The following ENOX1 variants were observed in gnomAD, a reference collection of about 807,000 sequenced individuals.
The protein encoded by ENOX1 is candidate growth-related and time keeping constitutive hydroquinone (NADH) oxidase.
In ENOX1, 42 loss-of-function variants were observed where a neutral mutation model predicts 82.5. The observed-to-expected ratio is 0.51, with a 90% confidence interval of 0.40 to 0.66. The LOEUF is 0.66. Ranked by LOEUF, ENOX1 falls within the 30% of genes least tolerant of loss-of-function variation. ENOX1 has a pLI of 0.00. For synonymous variants in ENOX1, 271 were observed against 282.2 expected (o/e 0.96, Z 0.40); for missense variants, 608 against 811.6 (o/e 0.75, Z 3.05).
At position 43,291,061 on chromosome 13, in the gene ENOX1, A is replaced by T. The variant is rs549005999; in HGVS notation, c.1446+7285T>A. On this transcript the variant is annotated intron_variant, in intron 12 of 16. Transcript: ENST00000690772. ...AAAATAAAAGTTGAAAAAAATTTTT[A>T]AAAGCTCTTAGAATACAATTTATCA... 2.9e-4 allele frequency among the ~76,000 whole-genome samples: 44 copies of T among 152,326 alleles called. 1 individual carries two copies. In the South Asian group the frequency reaches 8.9e-3, roughly 31 times the overall value.
chr13:43,303,110 T>C (rs1319474049), intron 11 of ENOX1, among the ~76,000 whole-genome samples: 1 of 152,238 alleles, frequency 6.6e-6, no homozygotes, highest in Admixed American at 6.5e-5. Flanking sequence ...ACTGTAGATT[T>C]CCTTCCCACA....
intron 2 of ENOX1, among the ~76,000 whole-genome samples, chr13:43,643,396 G>A (rs2083745640): frequency 6.6e-6 from 1 of 152,118 alleles, no homozygotes; most frequent in South Asian, 2.1e-4. Context: ...TAACATCAGT[G>A]TTATCCAGTT....
chr13:43,493,809 C>A (rs1031631773), intron 2 of ENOX1, among the ~76,000 whole-genome samples: 1 of 152,156 alleles, frequency 6.6e-6, no homozygotes, highest in Non-Finnish European at 1.5e-5. Context: ...ATCTGGGTAT[C>A]CCTTTGTTTT....
intron 11 of ENOX1, among the ~76,000 whole-genome samples, chr13:43,305,524 G>A (rs764363213): frequency 5.3e-5 from 8 of 151,910 alleles, no homozygotes; most frequent in Non-Finnish European, 1.0e-4. Flanking sequence ...TGGCTTAAAT[G>A]TGAGTCTGGA....
In ENOX1 at chr13:43,298,387, G is replaced by T; in HGVS notation, c.1405C>A (p.Gln469Lys). 6.2e-7 allele frequency: 1 copy of T among 1,612,232 alleles called. No homozygotes were observed. The highest frequency in any genetic ancestry group is 2.2e-5 in the East Asian group (1 of 44,838). Residue 469 changes from glutamine (Q) to lysine (K), a missense_variant, in exon 12 of 17, where the codon CAA becomes AAA. Physicochemically the swap from Gln to Lys is moderately conservative, Grantham distance 53. Transcript: ENST00000690772. Reference protein sequence around the residue: ...RTEENLTKDQQLQFLQQTMQG... With the variant: ...RTEENLTKDQKLQFLQQTMQG... ...ATGGTTTGCTGCAGAAACTGCAGTT[G>T]CTGGTCCTTGGTGAGGTTTTCTTCT...
intron 2 of ENOX1, among the ~76,000 whole-genome samples, chr13:43,511,108 C>T (rs1315454880): frequency 6.6e-6 from 1 of 152,106 alleles, no homozygotes; most frequent in Non-Finnish European, 1.5e-5. Context: ...GGAGCTACAG[C>T]TCAGTAAGTT....
intron 5 of ENOX1, among the ~76,000 whole-genome samples, chr13:43,405,913 C>CA (rs2053765834): frequency 6.6e-6 from 1 of 152,332 alleles, no homozygotes; most frequent in East Asian, 1.9e-4. Flanking sequence ...CTATTAGTAG[C>CA]ATAACCACTT....
At chr13:43,223,512 A>G (rs1160327810) in intron 16 of ENOX1, among the ~76,000 whole-genome samples, 3 of 152,204 alleles carry the variant, frequency 2.0e-5, no homozygotes, top group Non-Finnish European at 4.4e-5. Context: ...GTGAGGAATG[A>G]TGTCTGGCTC....
chr13:43,628,599 T>C (rs1215343207), intron 2 of ENOX1, among the ~76,000 whole-genome samples: 2 of 152,272 alleles, frequency 1.3e-5, no homozygotes, highest in African/African-American at 4.8e-5. Flanking sequence ...GTCATCCCAA[T>C]GTTGGCAGCT....
chr13:43,471,892 G>A (rs770612183), intron 3 of ENOX1, among the ~76,000 whole-genome samples: 20 of 151,716 alleles, frequency 1.3e-4, no homozygotes, highest in Non-Finnish European at 2.9e-4. Context: ...GGGATAGAAT[G>A]ATGCACAGTG....
intron 2 of ENOX1, among the ~76,000 whole-genome samples, chr13:43,640,932 AC>A (rs1483226130): frequency 3.3e-5 from 5 of 151,910 alleles, no homozygotes; most frequent in Admixed American, 2.0e-4. Context: ...ACACACACAC[AC>A]ACACGTAACC....
chr13:43,641,088 C>T (rs1311966809), intron 2 of ENOX1, among the ~76,000 whole-genome samples: 1 of 152,040 alleles, frequency 6.6e-6, no homozygotes, highest in Non-Finnish European at 1.5e-5. Context: ...AAATTGTTTC[C>T]CCCACGCCTC....
intron 5 of ENOX1, among the ~76,000 whole-genome samples, chr13:43,409,307 C>CTAGTTCCA: frequency 6.6e-6 from 1 of 152,202 alleles, no homozygotes; most frequent in East Asian, 1.9e-4. Context: ...TTTTGATGTA[C>CTAGTTCCA]TAGTTCCACA....
At chr13:43,664,028 G>A (rs1188054046) in intron 2 of ENOX1, among the ~76,000 whole-genome samples, 1 of 152,114 alleles carries the variant, frequency 6.6e-6, no homozygotes, top group African/African-American at 2.4e-5. Context: ...TATTTTAACT[G>A]ATTTGTGTAC....
intron 8 of ENOX1, among the ~76,000 whole-genome samples, chr13:43,347,131 T>C (rs1180869631): frequency 6.6e-6 from 1 of 152,192 alleles, no homozygotes; most frequent in Non-Finnish European, 1.5e-5. Flanking sequence ...AAAAAACACT[T>C]CAATTTTAAA....
intron 5 of ENOX1, 46 bp downstream of exon 5, chr13:43,411,870 C>A: frequency 6.2e-7 from 1 of 1,609,620 alleles, no homozygotes; most frequent in Non-Finnish European, 8.5e-7. Context: ...TCACCTACAC[C>A]CTTCGGCACT....
intron 1 of ENOX1, among the ~76,000 whole-genome samples, chr13:43,684,871 T>G (rs532566929): frequency 4.7e-4 from 72 of 152,272 alleles, no homozygotes; most frequent in Non-Finnish European, 4.6e-4. Context: ...TAGGAATGCA[T>G]ATGTTATACT....
At chr13:43,480,733 C>T (rs1216046658) in intron 3 of ENOX1, among the ~76,000 whole-genome samples, 1 of 152,038 alleles carries the variant, frequency 6.6e-6, no homozygotes, top group Non-Finnish European at 1.5e-5. Flanking sequence ...ATATGCCAAC[C>T]AGTTAGATAA....
chr13:43,214,119 T>C lies in ENOX1; in HGVS notation c.1803A>G (p.Ile601Met), dbSNP rs140716826. 6.2e-7 allele frequency: 1 copy of C among 1,612,706 alleles called. No homozygotes were observed. Among genetic ancestry groups the C allele is most frequent in the Non-Finnish European group, 8.5e-7 (1 of 1,179,186 alleles). The change falls in exon 17 of 17, where the codon ATA (isoleucine) becomes ATG (methionine). Residue 601 changes from isoleucine (I) to methionine (M), a missense_variant and splice_region_variant. Ile to Met is a conservative substitution (Grantham distance 10). Coordinates refer to ENST00000690772, the MANE Select transcript of ENOX1 (RefSeq NM_001347969.2). Reference protein sequence around the residue: ...WSYMQQLDSKISANEIEMLLM... With the variant: ...WSYMQQLDSKMSANEIEMLLM... ...AAAGCATTTCTATTTCATTTGCAGA[T>C]ATCTGTTAGAAAGGAAGGAAAGTCA...
Sources: allele counts gnomAD v4.1 joint callset (sites outside exome capture counted in the v4.1 genomes callset), GRCh38; gene constraint gnomAD v4.1.1; transcripts MANE v1.5; gene names NCBI Gene and HGNC (gene_info 2026-07-23, HGNC 2026-07-21).